The following FOXO1 variants were observed in gnomAD, a reference collection of about 807,000 sequenced individuals.
FOXO1 encodes forkhead box protein O1.
A neutral mutation model predicts 44.1 loss-of-function variants in FOXO1; 6 were observed. That is an observed-to-expected ratio of 0.14 (90% CI 0.07 to 0.27). The LOEUF (loss-of-function observed/expected upper bound fraction) is 0.27. FOXO1 is among the 10% of genes least tolerant of loss of function. FOXO1 has a pLI of 1.00. For synonymous variants in FOXO1, 380 were observed against 362.7 expected (o/e 1.05, Z -0.54); for missense variants, 737 against 888.8 (o/e 0.83, Z 2.17).
rs79918938 is a variant in FOXO1, at chr13:40,634,153, T to C, written c.630+31430A>G. ...TATATGACAGGGTACCAGGACTGTGTGATTTTACAGTAAAATGTAAAGAAG... is the reference window on the plus strand; with the variant it reads ...TATATGACAGGGTACCAGGACTGTGCGATTTTACAGTAAAATGTAAAGAAG... On this transcript the variant is annotated intron_variant, in intron 1 of 2. Coordinates refer to ENST00000379561, the MANE Select transcript of FOXO1 (RefSeq NM_002015.4). 1.1e-3 allele frequency among the ~76,000 whole-genome samples: 163 copies of C among 152,312 alleles called. 4 individuals are homozygous for C. The East Asian group carries it at 0.019, about 18-fold the overall frequency.
At chr13:40,659,065 C>T (rs1431354952) in intron 1 of FOXO1, among the ~76,000 whole-genome samples, 2 of 151,850 alleles carry the variant, frequency 1.3e-5, no homozygotes, top group South Asian at 2.1e-4. Context: ...GTGGCTCACG[C>T]CTGTAATCCC....
At chr13:40,640,019 G>C (rs1171207127) in intron 1 of FOXO1, among the ~76,000 whole-genome samples, 1 of 152,306 alleles carries the variant, frequency 6.6e-6, no homozygotes, top group Admixed American at 6.5e-5. Context: ...AAACAAGCTT[G>C]AACGGATTTG....
At chr13:40,604,938 T>G (rs1316488879) in intron 1 of FOXO1, among the ~76,000 whole-genome samples, 1 of 152,132 alleles carries the variant, frequency 6.6e-6, no homozygotes, top group Non-Finnish European at 1.5e-5. Flanking sequence ...TTGCTATGAA[T>G]AATAATTTGT....
At chr13:40,586,362 TTCTC>T (rs753144477) in intron 1 of FOXO1, among the ~76,000 whole-genome samples, 141 of 152,120 alleles carry the variant, frequency 9.3e-4, no homozygotes, top group Non-Finnish European at 1.9e-3. Flanking sequence ...AGGATATGCT[TTCTC>T]TCTCTAAGAA....
intron 1 of FOXO1, among the ~76,000 whole-genome samples, chr13:40,585,359 A>ACACG (rs1875125336): frequency 6.6e-6 from 1 of 151,908 alleles, no homozygotes; most frequent in South Asian, 2.1e-4. Flanking sequence ...ACACACACAC[A>ACACG]CACACACACA....
At chr13:40,635,855 TG>T (rs1877128300) in intron 1 of FOXO1, among the ~76,000 whole-genome samples, 1 of 152,206 alleles carries the variant, frequency 6.6e-6, no homozygotes, top group Non-Finnish European at 1.5e-5. Context: ...GTACTCTACC[TG>T]CTGCCCCTCC....
In FOXO1 at chr13:40,560,691, C is replaced by T. The variant is rs199728685; in HGVS notation, c.800G>A (p.Arg267Gln). 5.6e-6 allele frequency: 9 copies of T among 1,614,178 alleles called. No homozygotes were observed. Among genetic ancestry groups the T allele is most frequent in the African/African-American group, 1.3e-5 (1 of 75,058 alleles). The change falls in exon 2 of 3, where the codon CGA becomes CAA. Residue 267 changes from arginine (R) to glutamine (Q), a missense_variant. Transcript: ENST00000379561. The surrounding 1 kb of genome is among the most constrained non-coding windows in gnomAD (Gnocchi z 5.1). ...TGCTTTCTTCTTGGCAGCTCGGCTT[C>T]GGCTCTTAGCAAATTTACTGTTGTT... Reference protein sequence around the residue: ...MDNNSKFAKSRSRAAKKKASL... With the variant: ...MDNNSKFAKSQSRAAKKKASL...
At chr13:40,656,401 C>T (rs925591620) in intron 1 of FOXO1, among the ~76,000 whole-genome samples, 5 of 152,204 alleles carry the variant, frequency 3.3e-5, no homozygotes, top group African/African-American at 1.2e-4. Context: ...AAAAGCAAGA[C>T]TTAATTTAAT....
chr13:40,580,399 G>A (rs1874912137), intron 1 of FOXO1, among the ~76,000 whole-genome samples: 1 of 152,164 alleles, frequency 6.6e-6, no homozygotes, highest in African/African-American at 2.4e-5. Context: ...ACTAGTGGCT[G>A]AGGAGCGTGG....
At chr13:40,641,479 G>T (rs1877351414) in intron 1 of FOXO1, among the ~76,000 whole-genome samples, 1 of 151,780 alleles carries the variant, frequency 6.6e-6, no homozygotes, top group Non-Finnish European at 1.5e-5. Context: ...CTAGCTGGAT[G>T]AGCCAGTAAG....
intron 1 of FOXO1, among the ~76,000 whole-genome samples, chr13:40,657,755 G>A (rs1307699867): frequency 6.6e-6 from 1 of 152,024 alleles, no homozygotes; most frequent in Non-Finnish European, 1.5e-5. Context: ...TCTTCCTACT[G>A]GATCTATGTT....
intron 1 of FOXO1, among the ~76,000 whole-genome samples, chr13:40,572,091 T>C (rs1874542596): frequency 6.6e-6 from 1 of 152,230 alleles, no homozygotes; most frequent in Admixed American, 6.5e-5. Flanking sequence ...ATTCAAGGTA[T>C]GTTCCCGAAT....
intron 1 of FOXO1, among the ~76,000 whole-genome samples, chr13:40,568,745 C>A (rs1172376058): frequency 6.6e-6 from 1 of 152,062 alleles, no homozygotes; most frequent in Non-Finnish European, 1.5e-5. Flanking sequence ...GACCACTATA[C>A]CCCCCACTGC....
chr13:40,657,493 CACTT>C (rs1877896623), intron 1 of FOXO1, among the ~76,000 whole-genome samples: 1 of 152,036 alleles, frequency 6.6e-6, no homozygotes, highest in African/African-American at 2.4e-5. Context: ...CCACCACACT[CACTT>C]AATCTCTTCT....
In FOXO1 at chr13:40,666,059, G is replaced by C; in HGVS notation, c.154C>G (p.Pro52Ala). The C allele has an allele frequency of 4.6e-6, 6 of 1,317,954 alleles. No homozygotes were observed. Among genetic ancestry groups the C allele is most frequent in the Non-Finnish European group, 5.8e-6 (6 of 1,036,686 alleles). The allele number at this position is 1,317,954 out of a possible 1,614,324, so 81.6% of individuals were successfully genotyped here. The change falls in exon 1 of 3, where the codon CCC (proline) becomes GCC (alanine). Residue 52 changes from proline to alanine, a missense_variant. Pro to Ala is a conservative substitution (Grantham distance 27, BLOSUM62 -1). This residue lies in a region of FOXO1 where 213 missense variants were observed against 236.4 expected (regional missense o/e 0.90). Transcript: ENST00000379561. ...PAPSGSAAANPDAAAGLPSAS... is the reference protein window; with the variant it reads ...PAPSGSAAANADAAAGLPSAS... ...GAGGGCAGGCCCGCCGCGGCGTCGG[G>C]GTTGGCAGCCGCGCTGCCCGACGGC...
chr13:40,578,232 C>A (rs1443449314), intron 1 of FOXO1, among the ~76,000 whole-genome samples: 1 of 152,152 alleles, frequency 6.6e-6, no homozygotes, highest in Non-Finnish European at 1.5e-5. Flanking sequence ...TGTACTGGGT[C>A]CAAATTTCTT....
intron 1 of FOXO1, among the ~76,000 whole-genome samples, chr13:40,617,975 T>C (rs569735095): frequency 2.0e-5 from 3 of 152,312 alleles, no homozygotes; most frequent in East Asian, 1.9e-4. Flanking sequence ...TCAGGCCTGA[T>C]GCATTCACCG....
At chr13:40,624,795 T>C (rs1876733084) in intron 1 of FOXO1, among the ~76,000 whole-genome samples, 1 of 152,198 alleles carries the variant, frequency 6.6e-6, no homozygotes, top group South Asian at 2.1e-4. Flanking sequence ...TCAAGGAGAG[T>C]ATTTCGAGTA....
chr13:40,586,547 A>C (rs1875173507), intron 1 of FOXO1, among the ~76,000 whole-genome samples: 1 of 152,212 alleles, frequency 6.6e-6, no homozygotes, highest in Non-Finnish European at 1.5e-5. Context: ...TCTGGAATAA[A>C]AGGCACCAAA....
Sources: gnomAD v4.1 joint callset for allele counts (sites outside exome capture counted in the v4.1 genomes callset) on GRCh38, gnomAD v4.1.1 for gene constraint, gnomAD v4.1.1 regional missense constraint, Gnocchi (gnomAD v3.1) non-coding constraint, MANE v1.5 for transcripts, NCBI Gene and HGNC (gene_info 2026-07-23, HGNC 2026-07-21) for gene names.